MAML3: variants seen among roughly 807,000 people sequenced by gnomAD.
The protein encoded by MAML3 is mastermind-like protein 3.
In MAML3, 27 loss-of-function variants were observed where a neutral mutation model predicts 101.9. The ratio of observed to expected loss-of-function variants is 0.27; its 90% CI spans 0.20 to 0.37. The LOEUF is 0.37. MAML3 is among the 10% of genes least tolerant of loss of function. The pLI is 1.00. For missense variants in MAML3, 1,316 were observed against 1,444.9 expected (o/e 0.91, Z 1.45); for synonymous variants, 501 against 555.9 (o/e 0.90, Z 1.39).
intron 2 of MAML3, among the ~76,000 whole-genome samples, chr4:139,815,394 A>C (rs951658441): frequency 6.6e-6 from 1 of 152,236 alleles, no homozygotes; most frequent in Non-Finnish European, 1.5e-5. Context: ...TATAAATACT[A>C]GCTTATTTAA....
rs544507398 is a variant in MAML3, at chr4:140,000,463, C to G, written c.469-109496G>C. ...AATCAATACTAGCTCCTTAAAGGCA[C>G]ATAAACGTACTTGCCTGAGATGATG... On this transcript the variant is annotated intron_variant, in intron 1 of 4. Coordinates refer to ENST00000509479, the MANE Select transcript of MAML3 (RefSeq NM_018717.5). Among the ~76,000 whole-genome samples, 54 of 152,266 alleles carry G rather than the reference C, an allele frequency of 3.5e-4. No homozygotes were observed. In the South Asian group the frequency reaches 0.011, roughly 30 times the overall value.
At chr4:139,723,627 A>G (rs1728348496) in intron 4 of MAML3, among the ~76,000 whole-genome samples, 1 of 152,112 alleles carries the variant, frequency 6.6e-6, no homozygotes, top group South Asian at 2.1e-4. Context: ...AGAAGTTTTT[A>G]ACTGGACCCA....
At chr4:140,021,422 T>C (rs1167960293) in intron 1 of MAML3, among the ~76,000 whole-genome samples, 2 of 152,240 alleles carry the variant, frequency 1.3e-5, no homozygotes, top group Non-Finnish European at 2.9e-5. Context: ...AGGGCCTACC[T>C]AATGTGTGCC....
intron 1 of MAML3, among the ~76,000 whole-genome samples, chr4:140,069,664 GAGAA>G (rs1217744373): frequency 5.3e-5 from 8 of 149,586 alleles, no homozygotes; most frequent in Middle Eastern, 3.4e-3. Context: ...GAAGGAGAAG[GAGAA>G]AGAAAGAAAG....
At chr4:140,011,337 G>GTTTTTTTTT (rs1394373852) in intron 1 of MAML3, among the ~76,000 whole-genome samples, 2 of 109,816 alleles carry the variant, frequency 1.8e-5, no homozygotes, top group African/African-American at 5.6e-5. Flanking sequence ...AGGTTTTCTT[G>GTTTTTTTTT]TTTTGTTTTT....
At chr4:139,744,323 GT>G (rs1729255933) in intron 2 of MAML3, among the ~76,000 whole-genome samples, 1 of 152,142 alleles carries the variant, frequency 6.6e-6, no homozygotes. Context: ...AGATCTTAGA[GT>G]TGATTTTTCT....
chr4:139,850,511 T>C (rs1731528909), intron 2 of MAML3, among the ~76,000 whole-genome samples: 1 of 152,062 alleles, frequency 6.6e-6, no homozygotes, highest in African/African-American at 2.4e-5. Context: ...CACCTAGCAC[T>C]GGTATAAACC....
intron 2 of MAML3, among the ~76,000 whole-genome samples, chr4:139,741,770 A>T (rs769663108): frequency 9.9e-5 from 15 of 152,178 alleles, no homozygotes; most frequent in Non-Finnish European, 1.5e-4. Context: ...CCCTGTTATT[A>T]GATCGGGCTG....
chr4:139,725,177 T>C (rs1728416342), intron 4 of MAML3, among the ~76,000 whole-genome samples: 1 of 152,200 alleles, frequency 6.6e-6, no homozygotes, highest in Non-Finnish European at 1.5e-5. Flanking sequence ...TGATTTAGGA[T>C]TCCCGCAAAC....
At chr4:139,741,265 TAGG>T (rs1352155963) in intron 2 of MAML3, among the ~76,000 whole-genome samples, 1 of 152,166 alleles carries the variant, frequency 6.6e-6, no homozygotes, top group Non-Finnish European at 1.5e-5. Context: ...GAAGCAAGTC[TAGG>T]AGAAGGGCTC....
chr4:139,739,620 T>C (rs1289459302), intron 2 of MAML3, among the ~76,000 whole-genome samples: 2 of 148,176 alleles, frequency 1.3e-5, no homozygotes, highest in African/African-American at 4.9e-5. Context: ...CCTTAGACTA[T>C]CTAATCACAT....
chr4:139,980,767 G>A (rs1055196577), intron 1 of MAML3, among the ~76,000 whole-genome samples: 3 of 152,146 alleles, frequency 2.0e-5, no homozygotes, highest in Non-Finnish European at 2.9e-5. Flanking sequence ...CAAGGAGCTC[G>A]TATTCTGCTG....
chr4:139,977,579 A>G (rs1734364967), intron 1 of MAML3, among the ~76,000 whole-genome samples: 1 of 152,300 alleles, frequency 6.6e-6, no homozygotes, highest in African/African-American at 2.4e-5. Flanking sequence ...ATAAGAATTA[A>G]AAGGATGTTC....
At chr4:140,102,515 T>C (rs1053476886) in intron 1 of MAML3, among the ~76,000 whole-genome samples, 1 of 152,202 alleles carries the variant, frequency 6.6e-6, no homozygotes, top group African/African-American at 2.4e-5. Flanking sequence ...CTGTGCATGC[T>C]TATGCCTGAT....
chr4:140,145,324 T>G (rs1053129977), intron 1 of MAML3, among the ~76,000 whole-genome samples: 3 of 152,234 alleles, frequency 2.0e-5, no homozygotes, highest in African/African-American at 7.2e-5. Flanking sequence ...AGGAAAATTC[T>G]GGAAGTTGGT....
At chr4:139,775,148 C>T (rs768425655) in intron 2 of MAML3, among the ~76,000 whole-genome samples, 8 of 152,200 alleles carry the variant, frequency 5.3e-5, no homozygotes, top group Non-Finnish European at 8.8e-5. Context: ...TATACTGCTC[C>T]TTCCTTAGCC....
rs111397267 is a variant in MAML3 at position 139,878,934 on chromosome 4, T to C, written c.2079+10423A>G. Among the ~76,000 whole-genome samples the C allele has an allele frequency of 3.0e-3, 455 of 152,274 alleles. 4 individuals are homozygous for C. Among genetic ancestry groups the C allele is most frequent in the African/African-American group, 0.01 (436 of 41,566 alleles). On this transcript the variant is annotated intron_variant, in intron 2 of 4. Coordinates refer to ENST00000509479, the MANE Select transcript of MAML3 (RefSeq NM_018717.5). The stretch of plus-strand genomic sequence containing the variant: ...TCTTAAGGAAAGCAGCCTGGCACTA[T>C]AAGACTGTGCCCTTAAATCCTGAGA...
intron 2 of MAML3, among the ~76,000 whole-genome samples, chr4:139,789,092 C>G (rs1560794633): frequency 6.6e-6 from 1 of 152,172 alleles, no homozygotes; most frequent in African/African-American, 2.4e-5. Flanking sequence ...TAGAGATCAT[C>G]AAATACAATC....
At chr4:139,822,515 T>C (rs529209256) in intron 2 of MAML3, among the ~76,000 whole-genome samples, 2 of 152,314 alleles carry the variant, frequency 1.3e-5, no homozygotes, top group East Asian at 3.9e-4. Context: ...TTATTGGCGC[T>C]AGACATACCA....
Sources: gnomAD v4.1 joint callset for allele counts (sites outside exome capture counted in the v4.1 genomes callset) on GRCh38, gnomAD v4.1.1 for gene constraint, MANE v1.5 for transcripts, NCBI Gene and HGNC (gene_info 2026-07-23, HGNC 2026-07-21) for gene names.